TNRC6B: variants seen among roughly 807,000 people sequenced by gnomAD.
TNRC6B encodes trinucleotide repeat-containing gene 6B protein.
TNRC6B carries 52 observed loss-of-function variants against 203.6 expected under a neutral mutation model. The ratio of observed to expected loss-of-function variants is 0.26; its 90% CI spans 0.20 to 0.32. The LOEUF is 0.32. Among genes scored for constraint, TNRC6B ranks in the 10% least tolerant of loss-of-function variants. The pLI is 1.00. For missense variants in TNRC6B, 1,923 were observed against 2,286.2 expected, an observed-to-expected ratio of 0.84 and a Z score of 3.24; for synonymous variants, 838 against 845.7, an observed-to-expected ratio of 0.99 and a Z score of 0.16.
intron 3 of TNRC6B, among the ~76,000 whole-genome samples, chr22:40,140,624 G>C (rs182389086): frequency 2.5e-4 from 38 of 152,282 alleles, no homozygotes; most frequent in African/African-American, 8.9e-4. Context: ...TTGTTGAATA[G>C]ATGGTAATTT....
chr22:40,143,861 A>G (rs2068667928), intron 3 of TNRC6B, among the ~76,000 whole-genome samples: 1 of 152,234 alleles, frequency 6.6e-6, no homozygotes, highest in Non-Finnish European at 1.5e-5. Context: ...TGTCCAGAGT[A>G]TGTAAAGAAT....
chr22:40,181,811 G>T (rs1222671861), intron 1 of TNRC6B, among the ~76,000 whole-genome samples: 1 of 152,106 alleles, frequency 6.6e-6, no homozygotes, highest in African/African-American at 2.4e-5. Context: ...GGGCATGGTG[G>T]CTCACGCCTG....
In TNRC6B at chr22:40,300,482, C is replaced by T. The variant is rs772216078; in HGVS notation, c.3736C>T (p.Pro1246Ser). 2.5e-6 allele frequency: 4 copies of T among 1,600,174 alleles called. No individual in the cohort carries two copies. The highest frequency in any genetic ancestry group is 1.2e-5 in the South Asian group (1 of 86,306). Reference protein sequence around the residue: ...QVSASMLKQFPNSGLSPGLFN... With the variant: ...QVSASMLKQFSNSGLSPGLFN... Reference sequence around the variant, plus strand: ...TTCTGCCTCAATGCTCAAGCAGTTTCCCAACAGTGGCCTGAGTCCAGGTCT... The same window carrying T: ...TTCTGCCTCAATGCTCAAGCAGTTTTCCAACAGTGGCCTGAGTCCAGGTCT... Residue 1246 changes from proline (P) to serine (S), a missense_variant, in exon 13 of 23, where the codon CCC becomes TCC. Coordinates refer to ENST00000454349, the MANE Select transcript of TNRC6B (RefSeq NM_001162501.2).
At chr22:40,264,520 GA>G (rs200936117) in intron 4 of TNRC6B, among the ~76,000 whole-genome samples, 167 bp from the exon 5 acceptor site, 1 of 151,592 alleles carries the variant, frequency 6.6e-6, no homozygotes, top group Non-Finnish European at 1.5e-5. Flanking sequence ...CAAGGCAAAT[GA>G]AAAAAAAGAG....
chr22:40,214,112 T>A (rs369420635), intron 1 of TNRC6B, among the ~76,000 whole-genome samples: 4 of 151,752 alleles, frequency 2.6e-5, no homozygotes, highest in East Asian at 1.9e-4. Context: ...CTAAAAAATA[T>A]AAAAACTAGC....
At chr22:40,124,284 C>G (rs1232520492) in intron 2 of TNRC6B, among the ~76,000 whole-genome samples, 2 of 151,320 alleles carry the variant, frequency 1.3e-5, no homozygotes, top group South Asian at 2.1e-4. Context: ...ATTTTTCTTG[C>G]ACACACAAAA....
At chr22:40,233,600 A>G (rs562302642) in intron 1 of TNRC6B, among the ~76,000 whole-genome samples, 42 of 152,132 alleles carry the variant, frequency 2.8e-4, no homozygotes, top group African/African-American at 9.9e-4. Flanking sequence ...CCAGCCTGGC[A>G]GCAGAGCAAG....
intron 13 of TNRC6B, 81 bp downstream of exon 13, chr22:40,300,667 C>G (rs2071011063): frequency 6.6e-7 from 1 of 1,504,562 alleles, no homozygotes; most frequent in Non-Finnish European, 8.9e-7. Flanking sequence ...CTTCCCACAT[C>G]TTTGCCACTT....
intron 12 of TNRC6B, among the ~76,000 whole-genome samples, chr22:40,287,530 T>G (rs1287555530): frequency 1.3e-5 from 2 of 152,114 alleles, no homozygotes; most frequent in African/African-American, 4.8e-5. Context: ...CCTTGGCACC[T>G]CTCCTCTTCT....
chr22:40,128,448 A>C (rs973484252), intron 3 of TNRC6B, among the ~76,000 whole-genome samples: 1 of 152,158 alleles, frequency 6.6e-6, no homozygotes, highest in Admixed American at 6.6e-5. Flanking sequence ...TTTTACCAAA[A>C]AGTGATTTTC....
intron 7 of TNRC6B, among the ~76,000 whole-genome samples, chr22:40,276,333 A>G (rs927011730): frequency 2.8e-5 from 4 of 140,850 alleles, no homozygotes; most frequent in African/African-American, 7.7e-5. Context: ...GGTGACAGAG[A>G]AAAAAAAAAA....
intron 1 of TNRC6B, among the ~76,000 whole-genome samples, chr22:40,058,713 G>C (rs1208128721): frequency 6.6e-6 from 1 of 152,198 alleles, no homozygotes; most frequent in African/African-American, 2.4e-5. Context: ...GATGCTGTTG[G>C]ATACCCTGTC....
chr22:40,149,377 A>G (rs890364216), intron 3 of TNRC6B, among the ~76,000 whole-genome samples: 2 of 152,110 alleles, frequency 1.3e-5, no homozygotes, highest in African/African-American at 4.8e-5. Context: ...GAGGAAGCTT[A>G]AAGAGGGATG....
intron 1 of TNRC6B, among the ~76,000 whole-genome samples, chr22:40,081,923 G>A (rs961336215): frequency 6.6e-6 from 1 of 151,936 alleles, no homozygotes; most frequent in South Asian, 2.1e-4. Context: ...TTTCTCGGTG[G>A]TGCCATTATT....
At chr22:40,206,713 G>A (rs528711474) in intron 1 of TNRC6B, among the ~76,000 whole-genome samples, 2 of 150,442 alleles carry the variant, frequency 1.3e-5, no homozygotes, top group East Asian at 2.0e-4. Flanking sequence ...GGGCTGAGGT[G>A]GGTCAGCGCG....
chr22:40,071,145 G>A (rs1345440962), intron 1 of TNRC6B, among the ~76,000 whole-genome samples: 1 of 151,980 alleles, frequency 6.6e-6, no homozygotes, highest in Non-Finnish European at 1.5e-5. Context: ...GCTACAGGAT[G>A]TAAGATTAAA....
chr22:40,207,251 A>C (rs1228249554), intron 1 of TNRC6B, among the ~76,000 whole-genome samples: 3 of 152,042 alleles, frequency 2.0e-5, no homozygotes, highest in African/African-American at 7.2e-5. Flanking sequence ...ATGATTAAAC[A>C]GGATAACATG....
intron 1 of TNRC6B, among the ~76,000 whole-genome samples, chr22:40,195,274 A>G (rs1424514536): frequency 6.6e-6 from 1 of 152,220 alleles, no homozygotes; most frequent in Non-Finnish European, 1.5e-5. Context: ...GGAAGTTTAG[A>G]TATTTCAGAT....
chr22:40,215,199 G>A (rs1331735889), intron 1 of TNRC6B, among the ~76,000 whole-genome samples: 1 of 152,046 alleles, frequency 6.6e-6, no homozygotes. Context: ...ACAATCACTG[G>A]TGTCCTAGAT....
Sources: allele counts gnomAD v4.1 joint callset (sites outside exome capture counted in the v4.1 genomes callset), GRCh38; gene constraint gnomAD v4.1.1; transcripts MANE v1.5; gene names NCBI Gene and HGNC (gene_info 2026-07-23, HGNC 2026-07-21).